The following SHB variants were observed in gnomAD, a reference collection of about 807,000 sequenced individuals.
SHB encodes the protein SH2 domain-containing adapter protein B.
Under a neutral mutation model 52.3 loss-of-function variants are expected in SHB, and 20 were observed. That is an observed-to-expected ratio of 0.38 (90% CI 0.27 to 0.56). The LOEUF is 0.56. Ranked by LOEUF, SHB falls within the 20% of genes least tolerant of loss-of-function variation. The pLI is 0.71. For missense variants in SHB, 825 were observed against 723.3 expected (o/e 1.14, Z -1.61); for synonymous variants, 397 against 316.5 (o/e 1.25, Z -2.70).
chr9:38,034,256 G>A (rs916542136), intron 1 of SHB, among the ~76,000 whole-genome samples: 5 of 152,214 alleles, frequency 3.3e-5, no homozygotes, highest in Admixed American at 2.0e-4. Context: ...CAAGAATTCA[G>A]AGGCCTCCAC....
chr9:37,989,052 T>A (rs201640405), intron 2 of SHB, among the ~76,000 whole-genome samples: 6 of 145,910 alleles, frequency 4.1e-5, no homozygotes, highest in Non-Finnish European at 7.5e-5. Context: ...TTTTTTTTTT[T>A]ATAAATCTCT....
intron 5 of SHB, among the ~76,000 whole-genome samples, chr9:37,941,494 C>A (rs1328117216): frequency 1.3e-5 from 2 of 152,214 alleles, no homozygotes; most frequent in Non-Finnish European, 2.9e-5. Flanking sequence ...CACCGCTGTG[C>A]AGAGCTCCCT....
intron 1 of SHB, among the ~76,000 whole-genome samples, chr9:38,045,735 G>A (rs550920377): frequency 6.6e-6 from 1 of 152,168 alleles, no homozygotes; most frequent in Non-Finnish European, 1.5e-5. Context: ...TAAAAACGGT[G>A]CATTTTAAAA....
At chr9:38,048,382 C>A (rs1027700925) in intron 1 of SHB, among the ~76,000 whole-genome samples, 4 of 152,134 alleles carry the variant, frequency 2.6e-5, no homozygotes, top group Admixed American at 2.6e-4. Context: ...GCAGCTCATG[C>A]CAGTAATCCT....
chr9:37,964,773 C>T (rs1229574803), intron 3 of SHB, among the ~76,000 whole-genome samples: 2 of 152,120 alleles, frequency 1.3e-5, no homozygotes, highest in Non-Finnish European at 2.9e-5. Flanking sequence ...TCACTGTGCC[C>T]CCAACTCTCA....
intron 2 of SHB, among the ~76,000 whole-genome samples, chr9:37,992,878 CAA>C (rs1820900250): frequency 8.3e-6 from 1 of 120,752 alleles, no homozygotes; most frequent in East Asian, 2.1e-4. Flanking sequence ...CACACACACA[CAA>C]ACACACACAC....
At position 37,997,190 on chromosome 9, in the gene SHB, T is replaced by C. The variant is rs575483817; in HGVS notation, c.838+18821A>G. ...TCTCCCCTCTGTAAGTTCTTGAAGC[T>C]GCAGCCATGCCGGCCACAGGCTGTA... On this transcript the variant is annotated intron_variant, in intron 2 of 5. Transcript: ENST00000377707. Among the ~76,000 whole-genome samples, 89 of 152,340 alleles carry C rather than the reference T, an allele frequency of 5.8e-4. 1 individual carries two copies. Among genetic ancestry groups the C allele is most frequent in the Non-Finnish European group, 4.0e-4 (27 of 68,032 alleles).
chr9:37,973,130 A>C (rs1038301636), intron 3 of SHB, among the ~76,000 whole-genome samples: 4 of 152,204 alleles, frequency 2.6e-5, no homozygotes, highest in Non-Finnish European at 5.9e-5. Context: ...CAACATTCCA[A>C]TATTCCACCA....
intron 1 of SHB, among the ~76,000 whole-genome samples, chr9:38,038,242 C>A (rs557438426): frequency 3.0e-3 from 451 of 152,284 alleles, no homozygotes; most frequent in African/African-American, 0.01. Context: ...TCAGGTCAGG[C>A]GTGGGGGACC....
At chr9:38,056,538 G>T (rs1325573979) in intron 1 of SHB, among the ~76,000 whole-genome samples, 3 of 152,162 alleles carry the variant, frequency 2.0e-5, no homozygotes, top group African/African-American at 7.2e-5. Context: ...TTGCCATGCT[G>T]CCCAGGCTGG....
chr9:38,001,587 C>T (rs899272828), intron 2 of SHB, among the ~76,000 whole-genome samples: 10 of 152,322 alleles, frequency 6.6e-5, no homozygotes, highest in African/African-American at 2.4e-4. Context: ...CATGTCCAGG[C>T]GGGTTGGGTT....
At position 38,068,990 on chromosome 9, in the gene SHB, A is replaced by T. The variant is rs1441260302; in HGVS notation, c.-345T>A. The T allele has an allele frequency of 6.6e-6, 1 of 151,162 alleles. No individual in the cohort carries two copies. Among genetic ancestry groups the T allele is most frequent in the Non-Finnish European group, 1.5e-5 (1 of 67,756 alleles). The allele number at this position is 151,162 out of a possible 1,614,324, so 9.4% of individuals were successfully genotyped here. ...TTTGGCCGTACGCCCCTCGCCGTGGATCGCGCTCCTGCCCCGTCGGAGCCG... is the reference window on the plus strand; with the variant it reads ...TTTGGCCGTACGCCCCTCGCCGTGGTTCGCGCTCCTGCCCCGTCGGAGCCG... On this transcript the variant is annotated 5_prime_UTR_variant, in exon 1 of 6. Transcript: ENST00000377707.
At chr9:37,938,095 C>T (rs1282919088) in intron 5 of SHB, among the ~76,000 whole-genome samples, 1 of 152,224 alleles carries the variant, frequency 6.6e-6, no homozygotes, top group African/African-American at 2.4e-5. Flanking sequence ...GCTTACCCAG[C>T]TATCAGTAAA....
intron 3 of SHB, among the ~76,000 whole-genome samples, chr9:37,962,283 G>T (rs1454332126): frequency 6.6e-6 from 1 of 152,110 alleles, no homozygotes; most frequent in African/African-American, 2.4e-5. Context: ...TGAGTGAGAA[G>T]CTCCAAGAAG....
intron 5 of SHB, among the ~76,000 whole-genome samples, chr9:37,940,954 TAGG>T (rs1166023694): frequency 1.3e-5 from 2 of 152,146 alleles, no homozygotes; most frequent in African/African-American, 2.4e-5. Flanking sequence ...GATGAGCAAC[TAGG>T]AGGTCAGAGA....
chr9:37,978,547 A>G (rs990006565), intron 2 of SHB, among the ~76,000 whole-genome samples: 7 of 152,288 alleles, frequency 4.6e-5, no homozygotes, highest in Non-Finnish European at 8.8e-5. Flanking sequence ...GCTAAAAAGT[A>G]AAATGCAAGA....
intron 1 of SHB, among the ~76,000 whole-genome samples, chr9:38,017,787 T>C (rs1352779828): frequency 2.0e-5 from 3 of 152,226 alleles, no homozygotes; most frequent in Non-Finnish European, 4.4e-5. Context: ...TGAGACTCAC[T>C]GAGCTCAAAT....
chr9:37,985,538 G>C (rs1587229669), intron 2 of SHB, among the ~76,000 whole-genome samples: 1 of 152,268 alleles, frequency 6.6e-6, no homozygotes, highest in Admixed American at 6.5e-5. Context: ...ATCCCCCGTG[G>C]AGACTCACTG....
intron 2 of SHB, among the ~76,000 whole-genome samples, chr9:38,009,550 C>A (rs1821111939): frequency 6.6e-6 from 1 of 152,242 alleles, no homozygotes; most frequent in South Asian, 2.1e-4. Flanking sequence ...AAGGCTAGAA[C>A]CTGTACTTCC....
Sources: allele counts gnomAD v4.1 joint callset (sites outside exome capture counted in the v4.1 genomes callset), GRCh38; gene constraint gnomAD v4.1.1; transcripts MANE v1.5; gene names NCBI Gene and HGNC (gene_info 2026-07-23, HGNC 2026-07-21).